The following TVP23B variants were observed in gnomAD, a reference collection of about 807,000 sequenced individuals.
TVP23B encodes trans-golgi network vesicle protein 23 homolog B.
A neutral mutation model predicts 30.6 loss-of-function variants in TVP23B; 10 were observed. That is an observed-to-expected ratio of 0.33 (90% CI 0.20 to 0.55). The LOEUF (loss-of-function observed/expected upper bound fraction) is 0.55, where lower values mean the gene tolerates loss of function less well. Ranked by LOEUF, TVP23B falls within the 20% of genes least tolerant of loss-of-function variation. TVP23B has a pLI of 0.91. For missense variants in TVP23B, 153 were observed against 243.2 expected, an observed-to-expected ratio of 0.63 and a Z score of 2.47; for synonymous variants, 67 against 83.1, an observed-to-expected ratio of 0.81 and a Z score of 1.06.
intron 3 of TVP23B, among the ~76,000 whole-genome samples, chr17:18,794,441 A>G (rs2036044750): frequency 6.6e-6 from 1 of 152,238 alleles, no homozygotes; most frequent in Non-Finnish European, 1.5e-5. Flanking sequence ...TTTAAAAGGA[A>G]GCAAAAACTG....
At chr17:18,781,630 C>G (rs2035809349) in intron 1 of TVP23B, 1 of 397,316 alleles carries the variant, frequency 2.5e-6, no homozygotes, top group Non-Finnish European at 4.5e-6. Flanking sequence ...CTGCGGGCCT[C>G]TTAGCTTCCT....
chr17:18,799,030 C>T, intron 5 of TVP23B, 87 bp downstream of exon 5: 4 of 1,468,350 alleles, frequency 2.7e-6, no homozygotes, highest in Non-Finnish European at 3.6e-6. Flanking sequence ...GAGTCCTTAT[C>T]ATTAGGGACC....
intron 2 of TVP23B, 32 bp downstream of exon 2, chr17:18,789,467 A>G (rs755126510): frequency 8.1e-6 from 13 of 1,613,918 alleles, no homozygotes; most frequent in Non-Finnish European, 1.7e-6. Context: ...GAGCTGTGTT[A>G]GTGTCCAGTG....
In TVP23B at chr17:18,791,929, AAATC is replaced by A. The variant is rs2036000680; in HGVS notation, c.240+892_240+895del. 7.9e-5 allele frequency among the ~76,000 whole-genome samples: 12 copies of A among 152,098 alleles called. 1 individual carries two copies. In the South Asian group the frequency reaches 2.5e-3, roughly 31 times the overall value. ...AAATATAGTAAAATAGTGGAGAAAAAAATCAAAGGCTGATTTTGGAGTTTCAGAG... is the reference window on the plus strand; with the variant it reads ...AAATATAGTAAAATAGTGGAGAAAAAAAAGGCTGATTTTGGAGTTTCAGAG... On this transcript the variant is annotated intron_variant, in intron 3 of 6. Transcript: ENST00000307767.
At chr17:18,781,662 A>G (rs1028373471) in intron 1 of TVP23B, 25 of 346,256 alleles carry the variant, frequency 7.2e-5, no homozygotes, top group African/African-American at 4.8e-4. Context: ...GTGCGATGCT[A>G]TTTTGTAGGA....
intron 3 of TVP23B, among the ~76,000 whole-genome samples, chr17:18,795,299 TA>T (rs2036061378): frequency 6.6e-6 from 1 of 152,136 alleles, no homozygotes; most frequent in South Asian, 2.1e-4. Flanking sequence ...TTAACATGTG[TA>T]AAATACTACT....
Position 18,790,978 on chromosome 17 carries a change from A to G in TVP23B, c.178A>G (p.Ser60Gly). ...TCTTCTCTGTGGGTTGCTCAGCAGCAGCTTTATTACCTGTATGGTGACAAT... is the reference window on the plus strand; with the variant it reads ...TCTTCTCTGTGGGTTGCTCAGCAGCGGCTTTATTACCTGTATGGTGACAAT... ...VYLLCGLLSS[S>G]FITCMVTIIL... Residue 60 changes from serine to glycine, a missense_variant, in exon 3 of 7, where the codon AGC becomes GGC. By Grantham distance (56) the Ser-to-Gly change is moderately conservative. This residue lies in a region of TVP23B where 53 missense variants were observed against 128.0 expected (regional missense o/e 0.41). Coordinates refer to ENST00000307767, the MANE Select transcript of TVP23B (RefSeq NM_016078.6). 1.9e-6 allele frequency: 3 copies of G among 1,612,738 alleles called. No individual in the cohort carries two copies. Among genetic ancestry groups the G allele is most frequent in the Non-Finnish European group, 2.5e-6 (3 of 1,179,630 alleles).
chr17:18,786,425 A>G (rs1350919650), intron 1 of TVP23B, among the ~76,000 whole-genome samples: 1 of 150,492 alleles, frequency 6.6e-6, no homozygotes, highest in Non-Finnish European at 1.5e-5. Flanking sequence ...TCTGTTTTTC[A>G]GTCATAGTGC....
At chr17:18,794,800 C>G (rs1298780888) in intron 3 of TVP23B, among the ~76,000 whole-genome samples, 4 of 149,874 alleles carry the variant, frequency 2.7e-5, no homozygotes, top group Non-Finnish European at 5.9e-5. Context: ...CTTAGCATCT[C>G]TCCCATAGGA....
At chr17:18,801,510 G>T (rs144638234) in intron 5 of TVP23B, among the ~76,000 whole-genome samples, 1 of 151,256 alleles carries the variant, frequency 6.6e-6, no homozygotes, top group African/African-American at 2.4e-5. Flanking sequence ...TGGGTTTGGT[G>T]GCCTGAAGAC....
intron 1 of TVP23B, 136 bp downstream of exon 1, chr17:18,781,441 T>C (rs2151840799): frequency 6.9e-7 from 1 of 1,453,710 alleles, no homozygotes; most frequent in East Asian, 2.5e-5. Flanking sequence ...AGTGGAGGGC[T>C]GTGGGTAGTT....
chr17:18,781,408 C>G (rs1410029706), intron 1 of TVP23B, 103 bp downstream of exon 1: 37 of 1,520,798 alleles, frequency 2.4e-5, no homozygotes, highest in Non-Finnish European at 3.0e-5. Context: ...TACTCGAACT[C>G]GAGGAGGAGC....
chr17:18,788,330 C>CAAAAAAAAA (rs961283447), intron 1 of TVP23B, among the ~76,000 whole-genome samples: 1 of 67,350 alleles, frequency 1.5e-5, no homozygotes, highest in Non-Finnish European at 2.7e-5. Flanking sequence ...GACTCCATCT[C>CAAAAAAAAA]AAAAAAAAAA....
chr17:18,800,989 G>C (rs4924772), intron 5 of TVP23B, among the ~76,000 whole-genome samples: 1 of 151,748 alleles, frequency 6.6e-6, no homozygotes. Flanking sequence ...GACTGCTCCA[G>C]TAGAGCTTAT....
chr17:18,781,579 C>G (rs1425818348), intron 1 of TVP23B: 1 of 477,968 alleles, frequency 2.1e-6, no homozygotes, highest in Non-Finnish European at 3.6e-6. Context: ...GTCTCTCTTT[C>G]CTCAACCCTT....
intron 1 of TVP23B, among the ~76,000 whole-genome samples, chr17:18,785,962 G>A (rs1873566085): frequency 6.6e-6 from 1 of 152,126 alleles, no homozygotes; most frequent in South Asian, 2.1e-4. Context: ...TGAGGCTCAA[G>A]GGGTTAAACA....
Position 18,781,278 on chromosome 17 carries a change from C to A in TVP23B, c.-16C>A. On this transcript the variant is annotated 5_prime_UTR_variant, in exon 1 of 7. In the 5' UTR this introduces an upstream ATG that the reference lacks. Transcript: ENST00000307767. ...GCTGACGTGGCTCCCGGAAGTAGGG[C>A]TGGCGTAGGGCCGCCATGTTGCAGC... 1 of 1,569,352 alleles carries A rather than the reference C, an allele frequency of 6.4e-7. No homozygotes were observed. The highest frequency in any genetic ancestry group is 2.3e-5 in the East Asian group (1 of 42,694).
intron 3 of TVP23B, among the ~76,000 whole-genome samples, chr17:18,792,780 A>G (rs1183637897): frequency 6.6e-6 from 1 of 152,206 alleles, no homozygotes; most frequent in African/African-American, 2.4e-5. Flanking sequence ...ATAGCAAAGC[A>G]ATGGAGATAT....
intron 3 of TVP23B, 41 bp from the exon 4 acceptor site, chr17:18,797,538 A>G (rs1175941373): frequency 6.2e-7 from 1 of 1,612,880 alleles, no homozygotes; most frequent in South Asian, 1.1e-5. Flanking sequence ...ATCTTTAAAT[A>G]ATGCTTTTAA....
Sources: allele counts gnomAD v4.1 joint callset (sites outside exome capture counted in the v4.1 genomes callset), GRCh38; gene constraint gnomAD v4.1.1; regional missense constraint gnomAD v4.1.1; transcripts MANE v1.5; gene names NCBI Gene and HGNC (gene_info 2026-07-23, HGNC 2026-07-21).